HERC1: variants seen among roughly 807,000 people sequenced by gnomAD.
HERC1 encodes HECT and RLD domain containing E3 ubiquitin protein ligase family member 1.
HERC1 carries 160 observed loss-of-function variants against 554.3 expected under a neutral mutation model. That is an observed-to-expected ratio of 0.29 (90% CI 0.25 to 0.33). The LOEUF (loss-of-function observed/expected upper bound fraction) is 0.33, where lower values mean the gene tolerates loss of function less well. HERC1 is among the 10% of genes least tolerant of loss of function. The pLI, the probability that HERC1 is intolerant of heterozygous loss-of-function variation, is 1.00. For synonymous variants in HERC1, 2,175 were observed against 2,131.7 expected (o/e 1.02, Z -0.56); for missense variants, 4,919 against 5,918.5 (o/e 0.83, Z 5.54).
chr15:63,755,124 A>G, intron 6 of HERC1, 105 bp downstream of exon 6: 1 of 746,666 alleles, frequency 1.3e-6, no homozygotes, highest in Non-Finnish European at 2.3e-6. Flanking sequence ...AACTAACAAA[A>G]TAAATGACAG....
chr15:63,737,444 C>A (rs1365527757), intron 12 of HERC1, among the ~76,000 whole-genome samples: 4 of 80,868 alleles, frequency 4.9e-5, no homozygotes, highest in Non-Finnish European at 7.3e-5. Flanking sequence ...ATATATATAT[C>A]TTTTTTCCAG....
rs2067653038 is a variant in HERC1 at position 63,612,686 on chromosome 15, C to T, written c.14095-130G>A. On this transcript the variant is annotated intron_variant, in intron 76 of 77. Transcript: ENST00000443617. The surrounding 1 kb of genome is among the most constrained non-coding windows in gnomAD (Gnocchi z 5.0). ...CAGACCCTCTACTTGTTTCTCAGAC[C>T]GCCAGGCACGAGAGTCAGTCAAAAA... 15 of 820,936 alleles carry T rather than the reference C, an allele frequency of 1.8e-5. 1 individual carries two copies. The highest frequency in any genetic ancestry group is 1.7e-4 in the South Asian group (9 of 52,426). The allele number at this position is 820,936 out of a possible 1,614,324, so 50.9% of individuals were successfully genotyped here.
At chr15:63,706,164 G>A (rs1211087394) in intron 25 of HERC1, among the ~76,000 whole-genome samples, 1 of 151,860 alleles carries the variant, frequency 6.6e-6, no homozygotes, top group Non-Finnish European at 1.5e-5. Context: ...ACAACCATGA[G>A]TTAACTATAC....
chr15:63,683,911 ACAC>A (rs2153010524), intron 34 of HERC1, among the ~76,000 whole-genome samples: 1 of 152,334 alleles, frequency 6.6e-6, no homozygotes, highest in South Asian at 2.1e-4. Context: ...CTAAAACCTG[ACAC>A]TGTGTGCTCT....
intron 50 of HERC1, 83 bp from the exon 51 acceptor site, chr15:63,654,407 G>T: frequency 1.9e-6 from 2 of 1,044,534 alleles, no homozygotes; most frequent in Non-Finnish European, 1.4e-6. Flanking sequence ...TGATGCTCAG[G>T]TGAGATTTGG....
chr15:63,787,533 A>G (rs1233923007), intron 1 of HERC1, among the ~76,000 whole-genome samples: 1 of 152,164 alleles, frequency 6.6e-6, no homozygotes, highest in Non-Finnish European at 1.5e-5. Context: ...TGTTACTGAA[A>G]GAAGAGAGAA....
intron 22 of HERC1, among the ~76,000 whole-genome samples, chr15:63,715,960 G>A (rs556500137): frequency 6.9e-4 from 105 of 152,252 alleles, no homozygotes; most frequent in Non-Finnish European, 1.2e-3. Context: ...CCGCTCAGAC[G>A]TCTTCGAGGC....
chr15:63,759,800 C>T (rs955789319), intron 3 of HERC1, among the ~76,000 whole-genome samples: 1 of 152,168 alleles, frequency 6.6e-6, no homozygotes, highest in African/African-American at 2.4e-5. Flanking sequence ...TTTGCTAGCA[C>T]ATGAAATGGG....
At chr15:63,637,200 G>C (rs2068820947) in intron 64 of HERC1, 4 of 499,202 alleles carry the variant, frequency 8.0e-6, no homozygotes, top group South Asian at 6.2e-5. Flanking sequence ...ATGCATGATT[G>C]CTACTGCTAT....
At chr15:63,829,501 C>CAT (rs1354548089) in intron 1 of HERC1, among the ~76,000 whole-genome samples, 4 of 45,708 alleles carry the variant, frequency 8.8e-5, no homozygotes, top group Non-Finnish European at 1.3e-4. Context: ...TATATATATA[C>CAT]ACACACACAC....
Position 63,702,573 on chromosome 15 carries a change from T to A in HERC1, c.4637-3577A>T, listed in dbSNP as rs372359436. ...CGTATTGTCTTTCTGTAAACAATCG[T>A]ACAACCATAGCAAATCTTTTAAGTT... On this transcript the variant is annotated intron_variant, in intron 25 of 77. Coordinates refer to ENST00000443617, the MANE Select transcript of HERC1 (RefSeq NM_003922.4). 5.3e-5 allele frequency among the ~76,000 whole-genome samples: 8 copies of A among 152,320 alleles called. No individual in the cohort carries two copies. In the East Asian group the frequency reaches 1.5e-3, roughly 29 times the overall value.
At chr15:63,678,474 C>A (rs1295080364) in intron 36 of HERC1, 109 bp from the exon 37 acceptor site, 26 of 1,291,592 alleles carry the variant, frequency 2.0e-5, no homozygotes, top group African/African-American at 4.5e-5. Context: ...TGGGTCTCTT[C>A]ATACATGTGA....
intron 71 of HERC1, 79 bp from the exon 72 acceptor site, chr15:63,624,406 C>T (rs949248941): frequency 4.2e-5 from 57 of 1,370,388 alleles, no homozygotes; most frequent in Non-Finnish European, 5.5e-5. Context: ...ATAGAACATA[C>T]ATTATTTTGG....
At chr15:63,665,876 A>G (rs1326276643) in intron 42 of HERC1, 43 bp downstream of exon 42, 2 of 1,466,454 alleles carry the variant, frequency 1.4e-6, no homozygotes, top group Non-Finnish European at 1.9e-6. Context: ...GGGCTTTGAA[A>G]TTTATAACAC....
At chr15:63,701,877 G>A (rs2072739452) in intron 25 of HERC1, among the ~76,000 whole-genome samples, 1 of 151,718 alleles carries the variant, frequency 6.6e-6, no homozygotes, top group South Asian at 2.1e-4. Context: ...TCTGAATACA[G>A]GAAATATTAT....
intron 42 of HERC1, among the ~76,000 whole-genome samples, chr15:63,665,489 C>T (rs750679237): frequency 7.9e-5 from 12 of 152,060 alleles, no homozygotes; most frequent in Non-Finnish European, 1.2e-4. Flanking sequence ...GAGCCGATAT[C>T]GCGCCACTGC....
chr15:63,830,626 T>C (rs1192322082), intron 1 of HERC1, among the ~76,000 whole-genome samples: 1 of 152,252 alleles, frequency 6.6e-6, no homozygotes, highest in Non-Finnish European at 1.5e-5. Context: ...CACTGTATTA[T>C]GGTTATGTAA....
rs550003106 is a variant in HERC1 at position 63,675,068 on chromosome 15, G to C, written c.7120C>G (p.Pro2374Ala). ...PSDTPLYNLEPCEPLPFDVAR... is the reference protein window; with the variant it reads ...PSDTPLYNLEACEPLPFDVAR... ...ACATCAAACGGCAATGGTTCACAGG[G>C]TTCCAGATTATACAATGGAGTATCA... The change falls in exon 38 of 78, where the codon CCC becomes GCC. Residue 2374 changes from proline (P) to alanine (A), a missense_variant. By Grantham distance (27) the Pro-to-Ala change is conservative. This residue lies in a region of HERC1 where 1,963 missense variants were observed against 2,228.6 expected (regional missense o/e 0.88). Coordinates refer to ENST00000443617, the MANE Select transcript of HERC1 (RefSeq NM_003922.4). 5 of 1,613,602 alleles carry C rather than the reference G, an allele frequency of 3.1e-6. No homozygotes were observed. In the South Asian group the frequency reaches 4.4e-5, roughly 14 times the overall value.
chr15:63,821,726 C>CAAAAAAAA (rs35074987), intron 1 of HERC1, among the ~76,000 whole-genome samples: 7 of 62,478 alleles, frequency 1.1e-4, no homozygotes, highest in African/African-American at 4.9e-4. Flanking sequence ...TACCCTGTCT[C>CAAAAAAAA]AAAAAAAAAA....
Sources: gnomAD v4.1 joint callset for allele counts (sites outside exome capture counted in the v4.1 genomes callset) on GRCh38, gnomAD v4.1.1 for gene constraint, gnomAD v4.1.1 regional missense constraint, Gnocchi (gnomAD v3.1) non-coding constraint, MANE v1.5 for transcripts, NCBI Gene and HGNC (gene_info 2026-07-23, HGNC 2026-07-21) for gene names.